The following ADAM10 variants were observed in gnomAD, a reference collection of about 807,000 sequenced individuals.
The protein encoded by ADAM10 is disintegrin and metalloproteinase domain-containing protein 10.
A neutral mutation model predicts 90.1 loss-of-function variants in ADAM10; 17 were observed. The ratio of observed to expected loss-of-function variants is 0.19; its 90% CI spans 0.13 to 0.28. The LOEUF (loss-of-function observed/expected upper bound fraction) is 0.28. ADAM10 is among the 10% of genes least tolerant of loss of function. The pLI, the probability that ADAM10 is intolerant of heterozygous loss-of-function variation, is 1.00. For synonymous variants in ADAM10, 310 were observed against 298.6 expected, an observed-to-expected ratio of 1.04 and a Z score of -0.40; for missense variants, 610 against 914.3, an observed-to-expected ratio of 0.67 and a Z score of 4.29.
intron 4 of ADAM10, chr15:58,676,362 C>T (rs932384432): frequency 2.2e-6 from 1 of 452,884 alleles, no homozygotes; most frequent in Non-Finnish European, 4.4e-6. Flanking sequence ...TTCAATAATG[C>T]AAGTAAAGAT....
chr15:58,657,116 G>T (rs1427874850), intron 5 of ADAM10, among the ~76,000 whole-genome samples: 1 of 152,034 alleles, frequency 6.6e-6, no homozygotes, highest in African/African-American at 2.4e-5. Flanking sequence ...CTGCTTTTAG[G>T]ATCTTTTCTT....
intron 1 of ADAM10, among the ~76,000 whole-genome samples, chr15:58,723,459 T>C (rs1281565926): frequency 2.6e-5 from 4 of 151,976 alleles, no homozygotes; most frequent in Admixed American, 6.6e-5. Context: ...CTGAGGTGGG[T>C]AGATCACCTG....
At position 58,645,964 on chromosome 15, in the gene ADAM10, AAG is replaced by A; in HGVS notation, c.735+89_735+90del. The A allele has an allele frequency of 2.1e-6, 3 of 1,416,784 alleles. No homozygotes were observed. In the Admixed American group the frequency reaches 5.2e-5, roughly 25 times the overall value. 87.8% of individuals were successfully genotyped at this position (1,416,784 alleles called of 1,614,324 possible). On this transcript the variant is annotated intron_variant, in intron 6 of 15. Coordinates refer to ENST00000260408, the MANE Select transcript of ADAM10 (RefSeq NM_001110.4). ...CTGAAAACACATACTTTTTCCCAAA[AAG>A]AGAATACACTAACTTAAATTTTTAA...
At chr15:58,667,861 G>A (rs537500547) in intron 4 of ADAM10, among the ~76,000 whole-genome samples, 65 of 151,840 alleles carry the variant, frequency 4.3e-4, no homozygotes, top group African/African-American at 1.4e-3. Context: ...CGTTTCTCCC[G>A]GGTACCAATT....
intron 14 of ADAM10, among the ~76,000 whole-genome samples, chr15:58,600,670 A>G (rs1281030933): frequency 2.6e-5 from 4 of 152,196 alleles, no homozygotes; most frequent in Non-Finnish European, 4.4e-5. Flanking sequence ...AAAAACCTTC[A>G]AAAATTATTG....
chr15:58,618,593 G>A (rs1227097240), intron 11 of ADAM10, among the ~76,000 whole-genome samples: 1 of 152,102 alleles, frequency 6.6e-6, no homozygotes, highest in African/African-American at 2.4e-5. Context: ...CTGAATGGGA[G>A]AAAACATTTT....
chr15:58,652,062 T>G (rs1271797228), intron 5 of ADAM10, among the ~76,000 whole-genome samples: 3 of 152,204 alleles, frequency 2.0e-5, no homozygotes, highest in African/African-American at 7.2e-5. Context: ...AGGAAATGTC[T>G]ATTCAGATCT....
intron 9 of ADAM10, among the ~76,000 whole-genome samples, chr15:58,628,292 A>G (rs1247733366): frequency 1.3e-5 from 2 of 152,222 alleles, no homozygotes; most frequent in Admixed American, 6.5e-5. Context: ...GAGGTGGGGA[A>G]AGACAAAAGA....
At chr15:58,597,929 A>T (rs1217304765) in intron 15 of ADAM10, among the ~76,000 whole-genome samples, 1 of 152,174 alleles carries the variant, frequency 6.6e-6, no homozygotes, top group Non-Finnish European at 1.5e-5. Context: ...TTTTTATACT[A>T]AATCTTCAAA....
chr15:58,665,369 G>A (rs544288728), intron 4 of ADAM10, among the ~76,000 whole-genome samples, 172 bp from the exon 5 acceptor site: 5 of 152,096 alleles, frequency 3.3e-5, no homozygotes, highest in African/African-American at 1.2e-4. Flanking sequence ...AACCTAGCAG[G>A]TTCCTAAGCT....
intron 4 of ADAM10, among the ~76,000 whole-genome samples, chr15:58,673,261 A>G (rs1427739087): frequency 6.6e-6 from 1 of 152,150 alleles, no homozygotes; most frequent in Admixed American, 6.5e-5. Context: ...AATCTAAAGC[A>G]GGTTCTTATT....
intron 1 of ADAM10, among the ~76,000 whole-genome samples, chr15:58,724,231 T>C (rs1171855239): frequency 6.6e-6 from 1 of 151,866 alleles, no homozygotes; most frequent in Non-Finnish European, 1.5e-5. Context: ...AACAACATTG[T>C]TATTATAAGG....
chr15:58,678,851 G>A (rs1020312775), intron 4 of ADAM10, among the ~76,000 whole-genome samples: 1 of 152,124 alleles, frequency 6.6e-6, no homozygotes, highest in African/African-American at 2.4e-5. Context: ...CAAAATATAC[G>A]ATTTCCAGTT....
At chr15:58,717,498 A>T (rs1313526797) in intron 2 of ADAM10, 79 bp downstream of exon 2, 5 of 1,576,636 alleles carry the variant, frequency 3.2e-6, no homozygotes, top group Admixed American at 1.7e-5. Flanking sequence ...GAGAAGGAAA[A>T]TTAAGGATAT....
At position 58,628,035 on chromosome 15, in the gene ADAM10, G is replaced by A. The variant is rs1198563430; in HGVS notation, c.1177-152C>T. ...TACAATTGTTTTACACCTTGAGTAG[G>A]AAAAGAATTTGCTCTTTTAGGGGTC... is the stretch of plus-strand genomic sequence containing the variant. On this transcript the variant is annotated intron_variant, in intron 9 of 15. Transcript: ENST00000260408. 12 of 793,644 alleles carry A rather than the reference G, an allele frequency of 1.5e-5. No individual in the cohort carries two copies. In the Admixed American group the frequency reaches 3.1e-4, roughly 21 times the overall value. The allele number at this position is 793,644 out of a possible 1,614,324, so 49.2% of individuals were successfully genotyped here. A position where few individuals can be genotyped will look rare whatever the true frequency, so the allele number is the denominator to read the frequency against.
chr15:58,611,455 A>G (rs1453790265), intron 12 of ADAM10: 7 of 328,168 alleles, frequency 2.1e-5, no homozygotes, highest in Non-Finnish European at 3.9e-5. Flanking sequence ...GCAAAGTGAT[A>G]TTCAGCCACA....
At chr15:58,689,656 T>C (rs1316099422) in intron 2 of ADAM10, among the ~76,000 whole-genome samples, 15 of 152,126 alleles carry the variant, frequency 9.9e-5, no homozygotes, top group Non-Finnish European at 1.6e-4. Context: ...ACTGCAGACA[T>C]TGAGTGATAA....
In ADAM10 at chr15:58,610,125, T is replaced by A. The variant is rs1011670743; in HGVS notation, c.2025+172A>T. The A allele has an allele frequency of 2.9e-5, 20 of 682,694 alleles. 1 individual carries two copies. In the South Asian group the frequency reaches 3.3e-4, roughly 11 times the overall value. The allele number at this position is 682,694 out of a possible 1,614,324, so 42.3% of individuals were successfully genotyped here. ...CTATGAATGATACACATGATTCTGA[T>A]CACTTCAGAAGGAAATAATAACCAG... On this transcript the variant is annotated intron_variant, in intron 14 of 15. Transcript: ENST00000260408.
chr15:58,623,378 C>T (rs1596001161), intron 10 of ADAM10, among the ~76,000 whole-genome samples: 7 of 152,184 alleles, frequency 4.6e-5, no homozygotes, highest in Admixed American at 4.6e-4. Flanking sequence ...GCTGTGGAGG[C>T]ACCTGCTCTC....
Sources: gnomAD v4.1 joint callset for allele counts (sites outside exome capture counted in the v4.1 genomes callset) on GRCh38, gnomAD v4.1.1 for gene constraint, MANE v1.5 for transcripts, NCBI Gene and HGNC (gene_info 2026-07-23, HGNC 2026-07-21) for gene names.